The following MTUS2 variants were observed in gnomAD, a reference collection of about 807,000 sequenced individuals.
MTUS2 encodes the protein microtubule associated scaffold protein 2, also known as microtubule-associated tumor suppressor candidate 2.
Under a neutral mutation model 114.1 loss-of-function variants are expected in MTUS2, and 40 were observed. The observed-to-expected ratio is 0.35, with a 90% CI of 0.27 to 0.46. MTUS2 has a LOEUF of 0.46. Ranked by LOEUF, MTUS2 falls within the 20% of genes least tolerant of loss-of-function variation. The pLI, the probability that MTUS2 is intolerant of heterozygous loss-of-function variation, is 1.00. For missense variants in MTUS2, 1,679 were observed against 1,705.4 expected, an observed-to-expected ratio of 0.98 and a Z score of 0.27; for synonymous variants, 688 against 672.0, an observed-to-expected ratio of 1.02 and a Z score of -0.37.
intron 5 of MTUS2, among the ~76,000 whole-genome samples, chr13:29,153,775 A>G (rs956568952): frequency 6.6e-6 from 1 of 151,480 alleles, no homozygotes; most frequent in Non-Finnish European, 1.5e-5. Flanking sequence ...TATTCTTCCT[A>G]TTTGGTTTTA....
At chr13:29,009,347 T>G (rs538503883) in intron 2 of MTUS2, among the ~76,000 whole-genome samples, 1 of 110,468 alleles carries the variant, frequency 9.1e-6, no homozygotes, top group African/African-American at 3.3e-5. Flanking sequence ...GCAATATGTA[T>G]TGTACACTAT....
chr13:29,192,169 G>T (rs1894474563), intron 5 of MTUS2, among the ~76,000 whole-genome samples: 1 of 152,102 alleles, frequency 6.6e-6, no homozygotes, highest in Non-Finnish European at 1.5e-5. Flanking sequence ...CTTCATCTAG[G>T]TCTTAGATAT....
At chr13:29,267,132 T>C (rs1897695782) in intron 5 of MTUS2, among the ~76,000 whole-genome samples, 1 of 152,194 alleles carries the variant, frequency 6.6e-6, no homozygotes, top group Admixed American at 6.5e-5. Flanking sequence ...GGGGGATTTA[T>C]ATGTGAAGTC....
chr13:28,861,592 G>A (rs2138067620), intron 2 of MTUS2, among the ~76,000 whole-genome samples: 1 of 152,204 alleles, frequency 6.6e-6, no homozygotes, highest in Middle Eastern at 3.4e-3. Context: ...TTACTTTAAG[G>A]CCACAATGTA....
At chr13:28,967,953 A>G (rs1883673207) in intron 2 of MTUS2, among the ~76,000 whole-genome samples, 1 of 152,192 alleles carries the variant, frequency 6.6e-6, no homozygotes, top group Admixed American at 6.5e-5. Flanking sequence ...TATTATTTCA[A>G]TAGCGTTTAT....
chr13:29,321,566 T>C lies in MTUS2; in HGVS notation c.2807-3047T>C, dbSNP rs182432893. 4.9e-4 allele frequency among the ~76,000 whole-genome samples: 75 copies of C among 152,338 alleles called. No individual in the cohort carries two copies. The Middle Eastern group carries it at 0.01, about 21-fold the overall frequency. ...TGCCAGCAAAGGGAGGGTAAAACTT[T>C]CGATTTGAGTTATTCCTATAGGACT... On this transcript the variant is annotated intron_variant, in intron 6 of 15. Coordinates refer to ENST00000612955, the MANE Select transcript of MTUS2 (RefSeq NM_001033602.4).
At chr13:29,412,236 G>A (rs1875297112) in intron 8 of MTUS2, among the ~76,000 whole-genome samples, 1 of 152,118 alleles carries the variant, frequency 6.6e-6, no homozygotes, top group African/African-American at 2.4e-5. Context: ...ATCAGGTTAA[G>A]GTGTTTTATC....
intron 8 of MTUS2, among the ~76,000 whole-genome samples, chr13:29,402,280 C>T (rs1874404967): frequency 6.6e-6 from 1 of 152,146 alleles, no homozygotes; most frequent in Non-Finnish European, 1.5e-5. Flanking sequence ...CACAAGAACT[C>T]TACCAAATAG....
At chr13:29,490,448 G>A (rs1439812464) in intron 11 of MTUS2, among the ~76,000 whole-genome samples, 1 of 152,242 alleles carries the variant, frequency 6.6e-6, no homozygotes. Flanking sequence ...TGTGTAGCCA[G>A]AATGAGATGG....
intron 5 of MTUS2, among the ~76,000 whole-genome samples, chr13:29,204,840 C>T (rs761959399): frequency 3.1e-4 from 47 of 152,230 alleles, no homozygotes; most frequent in Non-Finnish European, 4.4e-4. Context: ...AAGCATCGCT[C>T]GCTGGGCACC....
chr13:29,454,382 C>T (rs1414987510), intron 9 of MTUS2, among the ~76,000 whole-genome samples: 1 of 152,134 alleles, frequency 6.6e-6, no homozygotes, highest in African/African-American at 2.4e-5. Flanking sequence ...TCCCTGTGGT[C>T]CAGCTTTTTA....
At chr13:29,474,484 A>G (rs756092007) in intron 9 of MTUS2, among the ~76,000 whole-genome samples, 10 of 152,248 alleles carry the variant, frequency 6.6e-5, no homozygotes, top group Non-Finnish European at 1.5e-4. Context: ...CAGGAATTCA[A>G]CATACAGTGA....
At chr13:28,947,694 T>C (rs327130) in intron 2 of MTUS2, among the ~76,000 whole-genome samples, 122,481 of 152,162 alleles carry the variant, frequency 0.8, 50,437 homozygotes, top group Non-Finnish European at 0.9. Flanking sequence ...TCCAACACCT[T>C]TCAGGTCTTA....
chr13:29,255,808 A>G (rs1897267454), intron 5 of MTUS2, among the ~76,000 whole-genome samples: 1 of 152,158 alleles, frequency 6.6e-6, no homozygotes, highest in South Asian at 2.1e-4. Flanking sequence ...CAGCCACTGG[A>G]GAGTCAGCAT....
rs574603872 is a variant in MTUS2 at position 29,341,188 on chromosome 13, A to G, written c.2905+16477A>G. On this transcript the variant is annotated intron_variant, in intron 7 of 15. Coordinates refer to ENST00000612955, the MANE Select transcript of MTUS2 (RefSeq NM_001033602.4). ...CCCAGTAGTGGGATTGCTGGATTAAATGGTAGTTCTGTTTTTAGTTCTTTA... is the reference window on the plus strand; with the variant it reads ...CCCAGTAGTGGGATTGCTGGATTAAGTGGTAGTTCTGTTTTTAGTTCTTTA... Among the ~76,000 whole-genome samples, 35 of 152,290 alleles carry G rather than the reference A, an allele frequency of 2.3e-4. No individual in the cohort carries two copies. In the East Asian group the frequency reaches 5.6e-3, roughly 24 times the overall value.
At chr13:28,895,103 C>T (rs1207909765) in intron 2 of MTUS2, among the ~76,000 whole-genome samples, 4 of 152,106 alleles carry the variant, frequency 2.6e-5, no homozygotes, top group African/African-American at 2.4e-5. Context: ...CTCATATATG[C>T]CAGGTTATAT....
intron 2 of MTUS2, among the ~76,000 whole-genome samples, chr13:28,889,673 G>A (rs1878801859): frequency 6.6e-6 from 1 of 152,094 alleles, no homozygotes; most frequent in African/African-American, 2.4e-5. Context: ...AGGTAGCCAT[G>A]CCTGGGGAAA....
rs74757933 is a variant in MTUS2 at position 29,157,159 on chromosome 13, T to C, written c.2644+56189T>C. 8.0e-3 allele frequency among the ~76,000 whole-genome samples: 1,219 copies of C among 152,296 alleles called. 12 individuals carry two copies. Among genetic ancestry groups the C allele is most frequent in the African/African-American group, 0.027 (1,140 of 41,560 alleles). ...TCGGTTTGTTTCCAATGTGGAACTA[T>C]TGCAAACTAAGCTGTGAGGAGCATA... On this transcript the variant is annotated intron_variant, in intron 5 of 15. Transcript: ENST00000612955.
At chr13:29,403,852 CCTAT>C (rs1238424577) in intron 8 of MTUS2, among the ~76,000 whole-genome samples, 1 of 152,050 alleles carries the variant, frequency 6.6e-6, no homozygotes, top group Non-Finnish European at 1.5e-5. Flanking sequence ...TATCTCCCTA[CCTAT>C]CTATCTGGTT....
Sources: allele counts gnomAD v4.1 joint callset (sites outside exome capture counted in the v4.1 genomes callset), GRCh38; gene constraint gnomAD v4.1.1; transcripts MANE v1.5; gene names NCBI Gene and HGNC (gene_info 2026-07-23, HGNC 2026-07-21).